The following LDB1 variants were observed in gnomAD, a reference collection of about 807,000 sequenced individuals.
The protein encoded by LDB1 is LIM domain-binding protein 1.
Under a neutral mutation model 49.7 loss-of-function variants are expected in LDB1, and 6 were observed. The observed-to-expected ratio is 0.12, with a 90% CI of 0.07 to 0.24. LDB1 has a LOEUF of 0.24. Ranked by LOEUF, LDB1 falls within the 10% of genes least tolerant of loss-of-function variation. The pLI is 1.00. For missense variants in LDB1, 341 were observed against 561.7 expected, an observed-to-expected ratio of 0.61 and a Z score of 3.97; for synonymous variants, 233 against 202.0, an observed-to-expected ratio of 1.15 and a Z score of -1.30.
downstream of LDB1, among the ~76,000 whole-genome samples, chr10:102,103,404 A>G (rs1006239681): frequency 1.3e-5 from 2 of 151,926 alleles, no homozygotes; most frequent in African/African-American, 2.4e-5. Flanking sequence ...GCAGTGGTGC[A>G]ATCACAACTC....
rs1564909498 is a variant in LDB1 at position 102,106,731 on chromosome 10, G to A, written c.*1362C>T. ...AGAGGGAAGAGTGGGGAGAGAGGTG[G>A]TGTTAGCACTTCCTGGGACTGGCCA... On this transcript the variant is annotated 3_prime_UTR_variant, in exon 11 of 11. Coordinates refer to ENST00000673968, the MANE Select transcript of LDB1 (RefSeq NM_001113407.3). Among the ~76,000 whole-genome samples the A allele has an allele frequency of 6.6e-6, 1 of 151,986 alleles. No individual in the cohort carries two copies. The highest frequency in any genetic ancestry group is 2.4e-5 in the African/African-American group (1 of 41,358).
intron 1 of LDB1, among the ~76,000 whole-genome samples, chr10:102,118,084 G>A (rs576389760): frequency 4.6e-5 from 7 of 152,256 alleles, no homozygotes; most frequent in Middle Eastern, 3.4e-3. Context: ...GCTGCTCAAG[G>A]TGGGGGAAAT....
At chr10:102,110,792 C>T in intron 5 of LDB1, 77 bp downstream of exon 5, 1 of 1,578,628 alleles carries the variant, frequency 6.3e-7, no homozygotes, top group South Asian at 1.1e-5. Flanking sequence ...TCCCCTGGCA[C>T]TCCCAGACCC....
intron 1 of LDB1, chr10:102,114,937 C>T (rs2068315327): frequency 1.7e-6 from 1 of 604,226 alleles, no homozygotes; most frequent in Non-Finnish European, 2.1e-6. Context: ...CGGCTGCCTG[C>T]CTTTCTCCCT....
At chr10:102,114,538 T>C in intron 1 of LDB1, 1 of 985,838 alleles carries the variant, frequency 1.0e-6, no homozygotes, top group Non-Finnish European at 1.2e-6. Flanking sequence ...CAGGCCCGAC[T>C]GGGAGCTCCA....
In LDB1 at chr10:102,108,049, G is replaced by C; in HGVS notation, c.*44C>G. ...CTTCTGCTCCCTGGGGCTGTGAGGG[G>C]TGGGGCAGGTAGGCAGAGCACTGGG... On this transcript the variant is annotated 3_prime_UTR_variant, in exon 11 of 11. Transcript: ENST00000673968. 1 of 1,427,996 alleles carries C rather than the reference G, an allele frequency of 7.0e-7. No individual in the cohort carries two copies. The highest frequency in any genetic ancestry group is 2.3e-5 in the East Asian group (1 of 43,984). 88.5% of individuals were successfully genotyped at this position (1,427,996 alleles called of 1,614,324 possible). A position where few individuals can be genotyped will look rare whatever the true frequency, so the allele number is the denominator to read the frequency against.
At chr10:102,106,280 G>A (rs2068158820), downstream of LDB1, among the ~76,000 whole-genome samples, 1 of 151,950 alleles carries the variant, frequency 6.6e-6, no homozygotes, top group Non-Finnish European at 1.5e-5. Flanking sequence ...CAACTTTTGA[G>A]GGAGATGGGG....
intron 1 of LDB1, chr10:102,114,300 G>C (rs1409035511): frequency 1.0e-6 from 1 of 983,334 alleles, no homozygotes; most frequent in Non-Finnish European, 1.2e-6. Flanking sequence ...GAGCGCCCCG[G>C]CGGCTCTGGG....
At chr10:102,113,458 T>C (rs1216576455) in intron 1 of LDB1, among the ~76,000 whole-genome samples, 2 of 152,278 alleles carry the variant, frequency 1.3e-5, no homozygotes, top group Non-Finnish European at 2.9e-5. Flanking sequence ...CATGCCAGTC[T>C]GGACTGAGCC....
In LDB1 at chr10:102,109,319, G is replaced by A; in HGVS notation, c.856+65C>T. 6.2e-7 allele frequency: 1 copy of A among 1,609,156 alleles called. No individual in the cohort carries two copies. Among genetic ancestry groups the A allele is most frequent in the Non-Finnish European group, 8.5e-7 (1 of 1,177,730 alleles). On this transcript the variant is annotated intron_variant, in intron 9 of 10. Transcript: ENST00000673968. The surrounding 1 kb of genome is among the most constrained non-coding windows in gnomAD (Gnocchi z 5.8). ...GAAGGGGTGGGGAAAACTTCAAAAG[G>A]AAATAAAGATACAGCTTTGGGGAGC... is the stretch of plus-strand genomic sequence containing the variant.
Position 102,110,975 on chromosome 10 carries a change from G to A in LDB1, c.250-4C>T. On this transcript the variant is annotated splice_polypyrimidine_tract_variant and splice_region_variant and intron_variant, in intron 4 of 10. Coordinates refer to ENST00000673968, the MANE Select transcript of LDB1 (RefSeq NM_001113407.3). ...CCCACCAGAGATTGTCACACTCCTA[G>A]GGAGCATGGTAACGGGTGTTCATGT... The A allele has an allele frequency of 3.7e-6, 6 of 1,613,564 alleles. No homozygotes were observed. The highest frequency in any genetic ancestry group is 4.5e-5 in the East Asian group (2 of 44,884).
chr10:102,111,484 G>T lies in LDB1; in HGVS notation c.78C>A (p.Gly26=). ...CGGGATGGAAGGGGGGAAAGGCGTT[G>T]CCGTTCGGGGGCTCCTTCGGCGAGT... The part of the protein sequence containing the change: ...KLYSPKEPPN[G]NAFPPFHPGT... Residue 26 remains glycine (G), a synonymous_variant, in exon 2 of 11, where the codon GGC becomes GGA. Transcript: ENST00000673968. 6.4e-7 allele frequency: 1 copy of T among 1,558,948 alleles called. No homozygotes were observed. Among genetic ancestry groups the T allele is most frequent in the Non-Finnish European group, 8.7e-7 (1 of 1,152,040 alleles).
chr10:102,118,033 C>T (rs1191053122), intron 1 of LDB1, among the ~76,000 whole-genome samples: 8 of 151,880 alleles, frequency 5.3e-5, no homozygotes, highest in Non-Finnish European at 8.8e-5. Flanking sequence ...GGCAGGCAGG[C>T]GGCAGGCGGC....
At chr10:102,116,471 G>A (rs1044143307) in intron 1 of LDB1, among the ~76,000 whole-genome samples, 25 of 152,044 alleles carry the variant, frequency 1.6e-4, no homozygotes, top group African/African-American at 5.3e-4. Context: ...GTGAGCCACC[G>A]CGTCTGGCCA....
rs1473281947 is a variant in LDB1, at chr10:102,117,533, C to A, written c.25+2553G>T. On this transcript the variant is annotated intron_variant, in intron 1 of 10. Transcript: ENST00000673968. This position sits in a 1 kb window ranked among gnomAD's most constrained non-coding sequence, Gnocchi z 4.2. ...CCCACAGGATGAGGTACCAGCACTG[C>A]CCCCTGCCCGGGCCCCTGGGGCTCC... Among the ~76,000 whole-genome samples the A allele has an allele frequency of 1.3e-5, 2 of 152,102 alleles. No homozygotes were observed. Among genetic ancestry groups the A allele is most frequent in the Admixed American group, 6.5e-5 (1 of 15,280 alleles).
intron 1 of LDB1, among the ~76,000 whole-genome samples, chr10:102,114,092 GC>G (rs898892385): frequency 1.3e-5 from 2 of 152,224 alleles, no homozygotes; most frequent in Non-Finnish European, 2.9e-5. Context: ...GTCAGCCATA[GC>G]CCCCCTCCCA....
Position 102,110,589 on chromosome 10 carries a change from C to T in LDB1, c.465G>A (p.Val155=), listed in dbSNP as rs12254799. Residue 155 remains valine (V), a synonymous_variant, in exon 6 of 11, where the codon GTG becomes GTA. Coordinates refer to ENST00000673968, the MANE Select transcript of LDB1 (RefSeq NM_001113407.3). ...HPKEAFHSNF[V]SLDCDQGSMV... ...TGCTGCCCTGGTCACAGTCGAGGGA[C>T]ACAAAGTTGCTGTGGAATGCCTCCT... is the stretch of plus-strand genomic sequence containing the variant. 5,989 of 1,614,034 alleles carry T rather than the reference C, an allele frequency of 3.7e-3. 179 individuals carry two copies. In the African/African-American group the frequency reaches 0.07, roughly 19 times the overall value.
At chr10:102,110,244 C>CT (rs2068232261) in intron 6 of LDB1, 1 of 640,330 alleles carries the variant, frequency 1.6e-6, no homozygotes. Flanking sequence ...AGTAGAAAAG[C>CT]TTAACAGATC....
chr10:102,108,948 G>C, intron 10 of LDB1, 81 bp downstream of exon 10: 1 of 1,570,150 alleles, frequency 6.4e-7, no homozygotes, highest in Non-Finnish European at 8.8e-7. Context: ...TTCTACGCCT[G>C]CTAGTGAGCT....
Sources: gnomAD v4.1 joint callset for allele counts (sites outside exome capture counted in the v4.1 genomes callset) on GRCh38, gnomAD v4.1.1 for gene constraint, Gnocchi (gnomAD v3.1) non-coding constraint, MANE v1.5 for transcripts, NCBI Gene and HGNC (gene_info 2026-07-23, HGNC 2026-07-21) for gene names.